The following OTOF variants were observed in gnomAD, a reference collection of about 807,000 sequenced individuals.
OTOF encodes fer-1-like family member 2.
In OTOF, 218 loss-of-function variants were observed where a neutral mutation model predicts 236.8. That is an observed-to-expected ratio of 0.92 (90% CI 0.82 to 1.03). The LOEUF is 1.03. Among genes scored for constraint, OTOF ranks in the 50% least tolerant of loss-of-function variants. The probability of loss-of-function intolerance (pLI) is 0.00; values close to 1 mark genes in which losing one functional copy is unlikely to be tolerated. For synonymous variants in OTOF, 1,041 were observed against 1,072.5 expected (o/e 0.97, Z 0.57); for missense variants, 2,590 against 2,694.4 (o/e 0.96, Z 0.86).
intron 2 of OTOF, among the ~76,000 whole-genome samples, chr2:26,529,401 G>A (rs533673877): frequency 2.0e-5 from 3 of 152,312 alleles, no homozygotes; most frequent in South Asian, 4.1e-4. Context: ...TTCTTATGCA[G>A]AGGTCTGAAT....
At chr2:26,550,913 C>G (rs1383062946) in intron 1 of OTOF, among the ~76,000 whole-genome samples, 4 of 152,162 alleles carry the variant, frequency 2.6e-5, no homozygotes, top group African/African-American at 9.6e-5. Context: ...GTCTCCCCTC[C>G]ACACTCCCCT....
intron 1 of OTOF, among the ~76,000 whole-genome samples, chr2:26,538,187 G>A (rs974627432): frequency 6.6e-6 from 1 of 152,198 alleles, no homozygotes; most frequent in Non-Finnish European, 1.5e-5. Flanking sequence ...TAGTATAGGG[G>A]GCGTAGCCCC....
At chr2:26,500,342 C>T (rs187812962) in intron 8 of OTOF, among the ~76,000 whole-genome samples, 99 of 152,318 alleles carry the variant, frequency 6.5e-4, no homozygotes, top group Non-Finnish European at 1.2e-3. Flanking sequence ...ATAGAATAAA[C>T]CTTCAAAAAT....
At chr2:26,538,176 C>T (rs367806328) in intron 1 of OTOF, among the ~76,000 whole-genome samples, 3 of 152,346 alleles carry the variant, frequency 2.0e-5, no homozygotes, top group South Asian at 4.1e-4. Flanking sequence ...GAGCAGAAGC[C>T]TAGTATAGGG....
chr2:26,528,721 G>A (rs769831103), intron 2 of OTOF, among the ~76,000 whole-genome samples: 2 of 152,220 alleles, frequency 1.3e-5, no homozygotes. Flanking sequence ...TCTTCCTAGG[G>A]CTTCCTCAAA....
At chr2:26,514,158 T>A (rs114611222) in intron 5 of OTOF, among the ~76,000 whole-genome samples, 2,126 of 152,372 alleles carry the variant, frequency 0.014, 54 homozygotes, top group African/African-American at 0.049. Flanking sequence ...GTAGCAGCGA[T>A]GCCTGTCCCC....
In OTOF at chr2:26,464,036, T is replaced by C. The variant is rs753789582; in HGVS notation, c.5031A>G (p.Ala1677=). 2.5e-6 allele frequency: 4 copies of C among 1,613,582 alleles called. No individual in the cohort carries two copies. The East Asian group carries it at 8.9e-5, about 36-fold the overall frequency. The change falls in exon 40 of 47, where the codon GCA becomes GCG. Residue 1677 remains alanine (A), a synonymous_variant. Coordinates refer to ENST00000272371, the MANE Select transcript of OTOF (RefSeq NM_194248.3). The part of the protein sequence containing the change: ...ALRHWEDIPR[A]GCRLVPEHVE... ...CATGCTCTGGCACCAGGCGGCAGCCTGCGCGGGGGATGTCCTCCCAGTGCC... is the reference window on the plus strand; with the variant it reads ...CATGCTCTGGCACCAGGCGGCAGCCCGCGCGGGGGATGTCCTCCCAGTGCC...
At chr2:26,525,345 T>C (rs1572477104) in intron 3 of OTOF, among the ~76,000 whole-genome samples, 1 of 152,182 alleles carries the variant, frequency 6.6e-6, no homozygotes, top group Non-Finnish European at 1.5e-5. Flanking sequence ...AGAAATCCCC[T>C]CTACAATGTG....
intron 10 of OTOF, 23 bp downstream of exon 10, chr2:26,489,655 G>T (rs1473867039): frequency 5.0e-6 from 8 of 1,603,554 alleles, no homozygotes; most frequent in African/African-American, 1.3e-5. Context: ...GGCCCTGCCG[G>T]CCAGGGGCTG....
At chr2:26,500,128 T>C (rs1666082166) in intron 8 of OTOF, among the ~76,000 whole-genome samples, 1 of 152,174 alleles carries the variant, frequency 6.6e-6, no homozygotes, top group Admixed American at 6.5e-5. Context: ...TCAATTGCTC[T>C]TATGGCTATG....
At position 26,479,317 on chromosome 2, in the gene OTOF, G is replaced by GCCTCTTGAT; in HGVS notation, c.2160_2161insATCAAGAGG (p.Asp720_Gln721insIleLysArg). On this transcript the variant is annotated inframe_insertion, in exon 18 of 47. Transcript: ENST00000272371. ...TTGGCATTGTAGAGGCGGCGGCGCT[G>GCCTCTTGAT]GTCCGGCCACCAGCTCTTGATGTAG... 1 of 1,612,318 alleles carries GCCTCTTGAT rather than the reference G, an allele frequency of 6.2e-7. No individual in the cohort carries two copies. Among genetic ancestry groups the GCCTCTTGAT allele is most frequent in the Non-Finnish European group, 8.5e-7 (1 of 1,179,814 alleles).
intron 2 of OTOF, among the ~76,000 whole-genome samples, chr2:26,529,429 A>G (rs981564336): frequency 3.3e-5 from 5 of 152,168 alleles, no homozygotes; most frequent in Admixed American, 2.0e-4. Flanking sequence ...GTGCATATTC[A>G]TTCATTTAGT....
chr2:26,476,692 C>T, intron 22 of OTOF, among the ~76,000 whole-genome samples, 199 bp downstream of exon 22: 1 of 64,132 alleles, frequency 1.6e-5, no homozygotes, highest in Non-Finnish European at 3.0e-5. Flanking sequence ...CTTCCCCCAC[C>T]TCCTTCCCCA....
intron 3 of OTOF, among the ~76,000 whole-genome samples, chr2:26,523,201 G>C (rs529047259): frequency 1.3e-5 from 2 of 152,232 alleles, no homozygotes; most frequent in Admixed American, 1.3e-4. Context: ...CAGAGGTCCC[G>C]GACAGGCAGA....
rs777593815 is a variant in OTOF at position 26,461,975 on chromosome 2, GT to G, written c.5292-39del. The G allele has an allele frequency of 6.2e-6, 10 of 1,613,534 alleles. No homozygotes were observed. The highest frequency in any genetic ancestry group is 8.5e-6 in the Non-Finnish European group (10 of 1,179,902). On this transcript the variant is annotated intron_variant, in intron 42 of 46. Transcript: ENST00000272371. This position sits in a 1 kb window ranked among gnomAD's most constrained non-coding sequence, Gnocchi z 6.2. ...CATCTCCAGACCCGCAGCCAGGCTG[GT>G]GGGGCCTCTCCCACCCACAGCCACC...
chr2:26,474,562 CG>C lies in OTOF; in HGVS notation c.3238del (p.Arg1080ValfsTer66). ...CAGGTCTCCAGCTGTGGCGTTGCCA[CG>C]GTAGATCTGGTAGTACTCGAGCTGA... ...PPQLEYYQIY[R>X]GNATAGDLLA... On this transcript the variant is annotated frameshift_variant, in exon 26 of 47. Transcript: ENST00000272371. LOFTEE classifies it high-confidence loss of function. 6.2e-7 allele frequency: 1 copy of C among 1,613,084 alleles called. No homozygotes were observed. The highest frequency in any genetic ancestry group is 8.5e-7 in the Non-Finnish European group (1 of 1,179,972).
At position 26,536,447 on chromosome 2, in the gene OTOF, G is replaced by A. The variant is rs181896691; in HGVS notation, c.138+1269C>T. Among the ~76,000 whole-genome samples, 188 of 152,280 alleles carry A rather than the reference G, an allele frequency of 1.2e-3. 1 individual carries two copies. Among genetic ancestry groups the A allele is most frequent in the Middle Eastern group, 3.4e-3 (1 of 294 alleles). ...GTACCAGGGAGGTCGTGGCAACTGC[G>A]CCCTGAAGTGGTTGGGGAGGGTGTG... On this transcript the variant is annotated intron_variant, in intron 2 of 46. Transcript: ENST00000272371.
At chr2:26,497,453 T>C (rs754051088) in intron 8 of OTOF, among the ~76,000 whole-genome samples, 4 of 152,222 alleles carry the variant, frequency 2.6e-5, no homozygotes, top group Non-Finnish European at 5.9e-5. Flanking sequence ...GGAGATTTCA[T>C]ATTTTAGTTG....
At chr2:26,478,150 A>G in intron 18 of OTOF, 1 of 778,730 alleles carries the variant, frequency 1.3e-6, no homozygotes, top group Non-Finnish European at 1.8e-6. Context: ...GGATGGGAAC[A>G]GATGCCTGGG....
Sources: allele counts gnomAD v4.1 joint callset (sites outside exome capture counted in the v4.1 genomes callset), GRCh38; gene constraint gnomAD v4.1.1; non-coding constraint Gnocchi (gnomAD v3.1); transcripts MANE v1.5; gene names NCBI Gene and HGNC (gene_info 2026-07-23, HGNC 2026-07-21).